The following FHIT variants were observed in gnomAD, a reference collection of about 807,000 sequenced individuals.
FHIT encodes the protein bis(5'-adenosyl)-triphosphatase.
In FHIT, 19 loss-of-function variants were observed where a neutral mutation model predicts 17.9. That is an observed-to-expected ratio of 1.06 (90% CI 0.74 to 1.56). FHIT has a LOEUF of 1.56. FHIT is among the 40% of genes most tolerant of loss of function. The probability of loss-of-function intolerance (pLI) is 0.00; values close to 1 mark genes in which losing one functional copy is unlikely to be tolerated. For missense variants in FHIT, 248 were observed against 189.2 expected, an observed-to-expected ratio of 1.31 and a Z score of -1.82; for synonymous variants, 81 against 69.7, an observed-to-expected ratio of 1.16 and a Z score of -0.81.
At chr3:60,652,454 A>C (rs1553688511) in intron 4 of FHIT, among the ~76,000 whole-genome samples, 1 of 151,982 alleles carries the variant, frequency 6.6e-6, no homozygotes. Flanking sequence ...TACAAAAAGT[A>C]GGGCCAGGCG....
intron 4 of FHIT, among the ~76,000 whole-genome samples, chr3:60,606,595 T>C (rs2038615980): frequency 6.6e-6 from 1 of 152,082 alleles, no homozygotes; most frequent in African/African-American, 2.4e-5. Flanking sequence ...TAAGCCACCA[T>C]TAGGATAGTG....
chr3:60,382,335 G>A (rs975880553), intron 5 of FHIT, among the ~76,000 whole-genome samples: 1 of 152,180 alleles, frequency 6.6e-6, no homozygotes, highest in Non-Finnish European at 1.5e-5. Flanking sequence ...CAACAAGAGT[G>A]CCACATCTCA....
intron 3 of FHIT, among the ~76,000 whole-genome samples, chr3:60,958,443 C>T (rs1709270320): frequency 6.6e-6 from 1 of 152,082 alleles, no homozygotes; most frequent in Admixed American, 6.5e-5. Context: ...ATGAAATAAG[C>T]TAAAAATAAA....
intron 8 of FHIT, among the ~76,000 whole-genome samples, chr3:59,912,039 C>T (rs1704903936): frequency 6.6e-6 from 1 of 152,212 alleles, no homozygotes; most frequent in African/African-American, 2.4e-5. Context: ...TTCTTACTCT[C>T]TCTGTGTCCT....
At chr3:61,178,536 C>T (rs1355012940) in intron 2 of FHIT, among the ~76,000 whole-genome samples, 1 of 95,208 alleles carries the variant, frequency 1.1e-5, no homozygotes, top group African/African-American at 4.7e-5. Context: ...TAGTGTGACA[C>T]TGAAGAAAAA....
At chr3:59,811,342 C>T (rs1308786093) in intron 8 of FHIT, among the ~76,000 whole-genome samples, 1 of 152,170 alleles carries the variant, frequency 6.6e-6, no homozygotes, top group Non-Finnish European at 1.5e-5. Flanking sequence ...TTTGTGTAGA[C>T]AAAGTGATTC....
intron 8 of FHIT, among the ~76,000 whole-genome samples, chr3:59,817,858 A>T (rs894404388): frequency 6.6e-6 from 1 of 152,106 alleles, no homozygotes; most frequent in Non-Finnish European, 1.5e-5. Context: ...ACTTTCAGAG[A>T]TCCACTAGCT....
chr3:60,130,996 TATATACATATGTGTATATATAC>T (rs1699552435), intron 5 of FHIT, among the ~76,000 whole-genome samples: 1 of 111,474 alleles, frequency 9.0e-6, no homozygotes. Flanking sequence ...TATATACACA[TATATACATATGTGTATATATAC>T]ACATATATAC....
chr3:60,712,036 AC>A (rs1553705255), intron 4 of FHIT, among the ~76,000 whole-genome samples: 1 of 152,236 alleles, frequency 6.6e-6, no homozygotes, highest in Non-Finnish European at 1.5e-5. Flanking sequence ...AGGTCGGGTT[AC>A]CCACAAAGGG....
chr3:60,439,922 T>C (rs191556455), intron 5 of FHIT, among the ~76,000 whole-genome samples: 1 of 152,218 alleles, frequency 6.6e-6, no homozygotes, highest in Admixed American at 6.5e-5. Context: ...GCTGTGTTTA[T>C]GTTCATGCTG....
intron 5 of FHIT, among the ~76,000 whole-genome samples, chr3:60,420,012 T>G (rs1160814090): frequency 6.6e-6 from 1 of 152,168 alleles, no homozygotes; most frequent in Non-Finnish European, 1.5e-5. Context: ...TCCTTATAAA[T>G]GTACATAACT....
At chr3:60,108,324 T>G (rs1704516990) in intron 5 of FHIT, among the ~76,000 whole-genome samples, 1 of 152,204 alleles carries the variant, frequency 6.6e-6, no homozygotes, top group African/African-American at 2.4e-5. Flanking sequence ...AGAGCTTTGA[T>G]TACAACTAAA....
intron 5 of FHIT, among the ~76,000 whole-genome samples, chr3:60,351,755 C>A (rs1699406251): frequency 6.6e-6 from 1 of 152,152 alleles, no homozygotes; most frequent in African/African-American, 2.4e-5. Flanking sequence ...ACTCAGCTCG[C>A]AAGGAAACCA....
At chr3:60,285,584 G>C (rs1442784618) in intron 5 of FHIT, among the ~76,000 whole-genome samples, 2 of 152,178 alleles carry the variant, frequency 1.3e-5, no homozygotes, top group African/African-American at 2.4e-5. Flanking sequence ...GCTGTAAAGA[G>C]ATTTTTCAGG....
At chr3:60,054,228 G>A (rs1701994325) in intron 5 of FHIT, among the ~76,000 whole-genome samples, 1 of 152,066 alleles carries the variant, frequency 6.6e-6, no homozygotes, top group Admixed American at 6.6e-5. Context: ...AACAATTACT[G>A]GAAAGAAATA....
At chr3:60,606,655 C>G (rs1553671358) in intron 4 of FHIT, among the ~76,000 whole-genome samples, 1 of 152,128 alleles carries the variant, frequency 6.6e-6, no homozygotes, top group Non-Finnish European at 1.5e-5. Context: ...CTGGAGACTT[C>G]TGGTATATTT....
intron 5 of FHIT, among the ~76,000 whole-genome samples, chr3:60,459,332 A>G (rs1403499405): frequency 6.6e-6 from 1 of 152,222 alleles, no homozygotes. Flanking sequence ...GCAAAGGTAT[A>G]AAGATAGTAT....
rs141691129 is a variant in FHIT, at chr3:61,043,292, A to G, written c.-163-1193T>C. Among the ~76,000 whole-genome samples, 440 of 152,328 alleles carry G rather than the reference A, an allele frequency of 2.9e-3. 2 individuals are homozygous for G. Among genetic ancestry groups the G allele is most frequent in the African/African-American group, 9.6e-3 (400 of 41,582 alleles). On this transcript the variant is annotated intron_variant, in intron 2 of 9. Coordinates refer to ENST00000492590, the MANE Select transcript of FHIT (RefSeq NM_002012.4). ...TTCCAACTGTCTTAGCAAATGGCAC[A>G]CCAGGAGATTATATCCCGCGCCTAG...
chr3:61,115,559 G>A (rs573090668), intron 2 of FHIT, among the ~76,000 whole-genome samples: 38 of 152,280 alleles, frequency 2.5e-4, no homozygotes, highest in African/African-American at 7.0e-4. Flanking sequence ...ATAGAAATAA[G>A]CTGCTGATAA....
Sources: allele counts gnomAD v4.1 joint callset (sites outside exome capture counted in the v4.1 genomes callset), GRCh38; gene constraint gnomAD v4.1.1; transcripts MANE v1.5; gene names NCBI Gene and HGNC (gene_info 2026-07-23, HGNC 2026-07-21).